Variants in CIT observed in about 807,000 individuals in gnomAD.
CIT encodes citron rho-interacting serine/threonine kinase, also known as citron Rho-interacting kinase.
CIT carries 79 observed loss-of-function variants against 272.7 expected under a neutral mutation model. The observed-to-expected ratio is 0.29, with a 90% CI of 0.24 to 0.35. CIT has a LOEUF of 0.35. CIT is among the 10% of genes least tolerant of loss of function. The probability of loss-of-function intolerance (pLI) is 1.00; values close to 1 mark genes in which losing one functional copy is unlikely to be tolerated. For missense variants in CIT, 1,909 were observed against 2,618.3 expected, an observed-to-expected ratio of 0.73 and a Z score of 5.91; for synonymous variants, 948 against 995.6, an observed-to-expected ratio of 0.95 and a Z score of 0.90.
chr12:119,787,381 C>T (rs1462057329), intron 10 of CIT, among the ~76,000 whole-genome samples: 4 of 151,372 alleles, frequency 2.6e-5, no homozygotes, highest in African/African-American at 7.3e-5. Context: ...CAGTGAGCTA[C>T]GATTGTACCA....
chr12:119,837,713 A>G (rs1383944625), intron 5 of CIT, among the ~76,000 whole-genome samples: 1 of 152,202 alleles, frequency 6.6e-6, no homozygotes, highest in Non-Finnish European at 1.5e-5. Context: ...AGACAACTGT[A>G]GGTCCTCTAG....
Position 119,719,950 on chromosome 12 carries a change from T to G in CIT, c.3840+528A>C, listed in dbSNP as rs560523503. Among the ~76,000 whole-genome samples, 4 of 152,310 alleles carry G rather than the reference T, an allele frequency of 2.6e-5. No individual in the cohort carries two copies. In the South Asian group the frequency reaches 8.3e-4, roughly 32 times the overall value. ...GCAATCTAAAAGGGTTGTTCAGTAC[T>G]TGGCAGAGGGGAGAAGTGTCCAGTC... On this transcript the variant is annotated intron_variant, in intron 30 of 47. Coordinates refer to ENST00000392521, the MANE Select transcript of CIT (RefSeq NM_001206999.2).
At chr12:119,777,378 TAAAAC>T (rs1215639208) in intron 13 of CIT, among the ~76,000 whole-genome samples, 1 of 150,126 alleles carries the variant, frequency 6.7e-6, no homozygotes, top group Non-Finnish European at 1.5e-5. Context: ...TATTAAACCT[TAAAAC>T]TGTTTTGGCC....
intron 2 of CIT, among the ~76,000 whole-genome samples, chr12:119,872,842 G>A (rs1023499688): frequency 6.6e-6 from 1 of 152,112 alleles, no homozygotes; most frequent in Non-Finnish European, 1.5e-5. Context: ...TGTTGCCCAG[G>A]CTGGAGTGCA....
rs1957185248 is a variant in CIT at position 119,712,019 on chromosome 12, C to T, written c.4854+159G>A. Reference sequence around the variant, plus strand: ...TACCTTGGTGCTTGTGCCTTCATCACCACCAGACTCCTGGCCATGACACAG... The same window carrying T: ...TACCTTGGTGCTTGTGCCTTCATCATCACCAGACTCCTGGCCATGACACAG... On this transcript the variant is annotated intron_variant, in intron 37 of 47. Coordinates refer to ENST00000392521, the MANE Select transcript of CIT (RefSeq NM_001206999.2). The surrounding 1 kb of genome is among the most constrained non-coding windows in gnomAD (Gnocchi z 5.2). Among the ~76,000 whole-genome samples, 1 of 152,126 alleles carries T rather than the reference C, an allele frequency of 6.6e-6. No homozygotes were observed. Among genetic ancestry groups the T allele is most frequent in the South Asian group, 2.1e-4 (1 of 4,828 alleles).
At chr12:119,729,520 G>GA (rs1958313753) in intron 27 of CIT, among the ~76,000 whole-genome samples, 1 of 151,770 alleles carries the variant, frequency 6.6e-6, no homozygotes, top group Admixed American at 6.6e-5. Flanking sequence ...ATTCAACTCA[G>GA]AAAAAACCTG....
chr12:119,872,537 T>G (rs1319412377), intron 2 of CIT, among the ~76,000 whole-genome samples: 1 of 152,230 alleles, frequency 6.6e-6, no homozygotes, highest in East Asian at 1.9e-4. Flanking sequence ...ATAGCTTTAC[T>G]GGGCAGGGGG....
In CIT at chr12:119,701,896, T is replaced by G. The variant is rs34140357; in HGVS notation, c.5367A>C (p.Gly1789=). ...IHFTNYSILI[G]TNKFYEIDMK... ...TGTCGATTTCGTAGAATTTATTGGT[T>G]CCAATGAGGATACTGTAATTGGTGA... The change falls in exon 42 of 48, where the codon GGA becomes GGC. Residue 1789 remains glycine, a synonymous_variant. Coordinates refer to ENST00000392521, the MANE Select transcript of CIT (RefSeq NM_001206999.2). The G allele has an allele frequency of 7.9e-3, 12,770 of 1,614,012 alleles. 835 individuals carry two copies. In the African/African-American group the frequency reaches 0.15, roughly 19 times the overall value.
chr12:119,856,555 C>CCA (rs765878824), intron 4 of CIT, among the ~76,000 whole-genome samples: 3 of 151,276 alleles, frequency 2.0e-5, no homozygotes, highest in South Asian at 2.1e-4. Context: ...ACACACACAC[C>CCA]CACACACACA....
At chr12:119,809,906 T>C (rs999417280) in intron 9 of CIT, among the ~76,000 whole-genome samples, 2 of 152,226 alleles carry the variant, frequency 1.3e-5, no homozygotes, top group Admixed American at 1.3e-4. Context: ...TTTGGAGAGC[T>C]TCCGGATAGC....
chr12:119,873,314 G>A (rs1195969786), intron 2 of CIT, among the ~76,000 whole-genome samples: 1 of 147,942 alleles, frequency 6.8e-6, no homozygotes, highest in East Asian at 2.0e-4. Context: ...CTGTCGCCTA[G>A]GCTGAAGTGC....
chr12:119,832,645 C>T lies in CIT; in HGVS notation c.753+126G>A, dbSNP rs1322367188. 5 of 710,100 alleles carry T rather than the reference C, an allele frequency of 7.0e-6. No individual in the cohort carries two copies. In the African/African-American group the frequency reaches 8.8e-5, roughly 13 times the overall value. 44.0% of individuals were successfully genotyped at this position (710,100 alleles called of 1,614,324 possible). ...AAATGGTTCTGTGTCCCTGTCCCCA[C>T]CCCCATACACTGCCAAAGGCTCCAA... On this transcript the variant is annotated intron_variant, in intron 7 of 47. Coordinates refer to ENST00000392521, the MANE Select transcript of CIT (RefSeq NM_001206999.2).
chr12:119,749,309 G>A (rs142743286), intron 23 of CIT, among the ~76,000 whole-genome samples: 2 of 152,170 alleles, frequency 1.3e-5, no homozygotes, highest in African/African-American at 4.8e-5. Context: ...TCTCCTAGGC[G>A]ATCATTATAG....
intron 25 of CIT, 65 bp from the exon 26 acceptor site, chr12:119,734,422 G>A (rs1958642211): frequency 2.6e-6 from 4 of 1,541,400 alleles, no homozygotes; most frequent in South Asian, 2.2e-5. Flanking sequence ...GATTACTTTG[G>A]TCGGGTCAGT....
chr12:119,775,884 T>C, intron 15 of CIT, 45 bp from the exon 16 acceptor site: 1 of 1,486,670 alleles, frequency 6.7e-7, no homozygotes, highest in South Asian at 1.1e-5. Flanking sequence ...CAAATCAGCA[T>C]TAACATCTTG....
intron 16 of CIT, among the ~76,000 whole-genome samples, 199 bp downstream of exon 16, chr12:119,775,587 A>G (rs750157311): frequency 8.5e-5 from 13 of 152,362 alleles, no homozygotes; most frequent in Non-Finnish European, 1.5e-4. Context: ...TTAAAAATAA[A>G]CACTGCTGAC....
chr12:119,784,838 A>G lies in CIT; in HGVS notation c.1401+122T>C, dbSNP rs980289755. On this transcript the variant is annotated intron_variant, in intron 11 of 47. Transcript: ENST00000392521. The surrounding 1 kb of genome is among the most constrained non-coding windows in gnomAD (Gnocchi z 4.7). Reference sequence around the variant, plus strand: ...GAGGCGCGACTTCAGCGAAGGCAGGAGCGCCTCACTCTCTACGGATCAGGC... The same window carrying G: ...GAGGCGCGACTTCAGCGAAGGCAGGGGCGCCTCACTCTCTACGGATCAGGC... 6.9e-7 allele frequency: 1 copy of G among 1,459,394 alleles called. No individual in the cohort carries two copies. Among genetic ancestry groups the G allele is most frequent in the African/African-American group, 1.4e-5 (1 of 70,006 alleles). The allele number at this position is 1,459,394 out of a possible 1,614,324, so 90.4% of individuals were successfully genotyped here. A position where few individuals can be genotyped will look rare whatever the true frequency, so the allele number is the denominator to read the frequency against.
chr12:119,818,852 C>T (rs1020065676), intron 9 of CIT, among the ~76,000 whole-genome samples: 1 of 152,156 alleles, frequency 6.6e-6, no homozygotes, highest in Non-Finnish European at 1.5e-5. Flanking sequence ...TGTGCTGGTT[C>T]CGTTGACATC....
At chr12:119,859,136 G>A (rs1950258478) in intron 3 of CIT, among the ~76,000 whole-genome samples, 1 of 152,162 alleles carries the variant, frequency 6.6e-6, no homozygotes, top group Admixed American at 6.5e-5. Context: ...GAGCAGCAGT[G>A]GCTGACCCAA....
Sources: allele counts gnomAD v4.1 joint callset (sites outside exome capture counted in the v4.1 genomes callset), GRCh38; gene constraint gnomAD v4.1.1; non-coding constraint Gnocchi (gnomAD v3.1); transcripts MANE v1.5; gene names NCBI Gene and HGNC (gene_info 2026-07-23, HGNC 2026-07-21).